The following L3MBTL3 variants were observed in gnomAD, a reference collection of about 807,000 sequenced individuals.
L3MBTL3 encodes the protein lethal(3)malignant brain tumor-like protein 3.
A neutral mutation model predicts 102.3 loss-of-function variants in L3MBTL3; 27 were observed. The ratio of observed to expected loss-of-function variants is 0.26; its 90% confidence interval spans 0.19 to 0.36. L3MBTL3 has a LOEUF of 0.36. Among genes scored for constraint, L3MBTL3 ranks in the 10% least tolerant of loss-of-function variants. The pLI, the probability that L3MBTL3 is intolerant of heterozygous loss-of-function variation, is 1.00. For missense variants in L3MBTL3, 798 were observed against 955.3 expected (o/e 0.84, Z 2.17); for synonymous variants, 340 against 320.9 (o/e 1.06, Z -0.64).
At chr6:130,074,548 C>T (rs888142439) in intron 13 of L3MBTL3, among the ~76,000 whole-genome samples, 1 of 152,212 alleles carries the variant, frequency 6.6e-6, no homozygotes, top group Non-Finnish European at 1.5e-5. Flanking sequence ...TACTGCTGTC[C>T]TCCCGCCACT....
intron 13 of L3MBTL3, among the ~76,000 whole-genome samples, 176 bp from the exon 14 acceptor site, chr6:130,078,382 A>G (rs528837808): frequency 6.6e-6 from 1 of 152,180 alleles, no homozygotes; most frequent in Non-Finnish European, 1.5e-5. Flanking sequence ...ATAAAAATCC[A>G]CTTGGTATTA....
intron 2 of L3MBTL3, among the ~76,000 whole-genome samples, chr6:130,036,248 C>T (rs1780055833): frequency 6.6e-6 from 1 of 152,126 alleles, no homozygotes; most frequent in Non-Finnish European, 1.5e-5. Context: ...AATATTGGTT[C>T]CTGGCTGTTC....
intron 18 of L3MBTL3, among the ~76,000 whole-genome samples, chr6:130,102,763 T>A (rs1341265364): frequency 6.6e-6 from 1 of 152,242 alleles, no homozygotes; most frequent in East Asian, 1.9e-4. Flanking sequence ...ATTACAGCTC[T>A]GCTCGGGTGC....
intron 7 of L3MBTL3, among the ~76,000 whole-genome samples, chr6:130,053,471 T>C (rs1781234232): frequency 6.6e-6 from 1 of 151,778 alleles, no homozygotes; most frequent in African/African-American, 2.4e-5. Flanking sequence ...CCTTCCTTAC[T>C]AAAAATACAA....
At chr6:130,050,856 A>C (rs545672340) in intron 5 of L3MBTL3, among the ~76,000 whole-genome samples, 2 of 152,232 alleles carry the variant, frequency 1.3e-5, no homozygotes, top group Non-Finnish European at 2.9e-5. Flanking sequence ...AAACAAAATC[A>C]TTCATCAAAA....
At chr6:130,068,461 G>A in intron 12 of L3MBTL3, 40 bp downstream of exon 12, 1 of 1,069,360 alleles carries the variant, frequency 9.4e-7, no homozygotes. Context: ...AAAGGAAGAA[G>A]TTTTTTGAGT....
intron 16 of L3MBTL3, among the ~76,000 whole-genome samples, chr6:130,088,741 G>C (rs1166982104): frequency 1.3e-5 from 2 of 152,022 alleles, no homozygotes; most frequent in African/African-American, 4.8e-5. Context: ...CTTTTTATCT[G>C]TAATTTTCTA....
chr6:130,104,559 T>C lies in L3MBTL3; in HGVS notation c.1870T>C (p.Ser624Pro). 1.3e-6 allele frequency: 2 copies of C among 1,575,086 alleles called. No individual in the cohort carries two copies. The highest frequency in any genetic ancestry group is 1.9e-5 in the Admixed American group (1 of 52,130). Reference protein sequence around the residue: ...NKRTDANESSSSPEIRDQHAD... With the variant: ...NKRTDANESSPSPEIRDQHAD... ...AAGGACAGATGCAAATGAAAGCTCTTCTTCCCCTGAAATCAGGTAATCAAA... is the reference window on the plus strand; with the variant it reads ...AAGGACAGATGCAAATGAAAGCTCTCCTTCCCCTGAAATCAGGTAATCAAA... Residue 624 changes from serine to proline, a missense_variant, in exon 19 of 23, where the codon TCT becomes CCT. Coordinates refer to ENST00000361794, the MANE Select transcript of L3MBTL3 (RefSeq NM_032438.4).
At chr6:130,032,416 C>T (rs1779787885) in intron 2 of L3MBTL3, among the ~76,000 whole-genome samples, 1 of 151,660 alleles carries the variant, frequency 6.6e-6, no homozygotes, top group Non-Finnish European at 1.5e-5. Context: ...GTTGTTGTAC[C>T]CCAGCCTGGA....
At chr6:130,060,269 T>G (rs763075544) in intron 10 of L3MBTL3, 129 bp downstream of exon 10, 21 of 589,622 alleles carry the variant, frequency 3.6e-5, no homozygotes, top group Non-Finnish European at 5.9e-5. Context: ...CATTATTTCA[T>G]TTAATCTTTG....
At chr6:130,137,958 G>T (rs1255670681) in intron 22 of L3MBTL3, 1 of 152,166 alleles carries the variant, frequency 6.6e-6, no homozygotes, top group East Asian at 1.9e-4. Context: ...CCGCTTAACG[G>T]TGCTACACTT....
intron 2 of L3MBTL3, among the ~76,000 whole-genome samples, chr6:130,033,918 A>G (rs1779884382): frequency 6.6e-6 from 1 of 152,272 alleles, no homozygotes. Context: ...GGCTACAGTC[A>G]GTACCCTTTC....
At chr6:130,079,923 A>T (rs547370953) in intron 14 of L3MBTL3, among the ~76,000 whole-genome samples, 46 of 152,286 alleles carry the variant, frequency 3.0e-4, no homozygotes, top group African/African-American at 1.1e-3. Flanking sequence ...TACTATTTTG[A>T]CAGTGAAACA....
At chr6:130,127,485 A>G (rs1348322826) in intron 20 of L3MBTL3, among the ~76,000 whole-genome samples, 2 of 152,316 alleles carry the variant, frequency 1.3e-5, no homozygotes, top group East Asian at 1.9e-4. Flanking sequence ...CTGTATTTAT[A>G]TAGCCTTCAA....
chr6:130,041,746 T>C lies in L3MBTL3; in HGVS notation c.-15-939T>C, dbSNP rs78207549. 3.5e-4 allele frequency among the ~76,000 whole-genome samples: 53 copies of C among 152,346 alleles called. 1 individual carries two copies. In the East Asian group the frequency reaches 0.01, roughly 29 times the overall value. On this transcript the variant is annotated intron_variant, in intron 2 of 22. Transcript: ENST00000361794. ...AATTCTTTGGATATGACTTCTGTTGTCTTTGATAGCTTCTTTGCTTTCTTG... is the reference window on the plus strand; with the variant it reads ...AATTCTTTGGATATGACTTCTGTTGCCTTTGATAGCTTCTTTGCTTTCTTG...
chr6:130,021,700 T>C (rs1779026810), intron 1 of L3MBTL3, among the ~76,000 whole-genome samples: 1 of 152,254 alleles, frequency 6.6e-6, no homozygotes, highest in Non-Finnish European at 1.5e-5. Context: ...CTGATAAGTG[T>C]AAGGCAATTT....
At chr6:130,097,363 C>G (rs1232429982) in intron 18 of L3MBTL3, among the ~76,000 whole-genome samples, 1 of 152,176 alleles carries the variant, frequency 6.6e-6, no homozygotes, top group African/African-American at 2.4e-5. Flanking sequence ...AACATGCACT[C>G]TTTGCATAGA....
chr6:130,042,703 A>G lies in L3MBTL3; in HGVS notation c.4A>G (p.Thr2Ala). The G allele has an allele frequency of 3.7e-6, 6 of 1,609,320 alleles. No homozygotes were observed. Among genetic ancestry groups the G allele is most frequent in the Non-Finnish European group, 5.1e-6 (6 of 1,175,892 alleles). The change falls in exon 3 of 23, where the codon ACT becomes GCT. Residue 2 changes from threonine (T) to alanine (A), a missense_variant. Physicochemically the swap from Thr to Ala is moderately conservative, Grantham distance 58. This residue lies in a region of L3MBTL3 where 434 missense variants were observed against 506.6 expected (regional missense o/e 0.86). Transcript: ENST00000361794. ...CTTTCAGGTTAAAAAATAAATCATG[A>G]CTGAATCTGCCTCTAGCACAAGTGG... M[T>A]ESASSTSGQE... is the part of the protein sequence containing the mutation.
Position 130,094,302 on chromosome 6 carries a change from A to T in L3MBTL3, c.1671A>T (p.Gly557=), listed in dbSNP as rs1338075032. The change falls in exon 18 of 23, where the codon GGA becomes GGT. Residue 557 remains glycine (G), a synonymous_variant. Transcript: ENST00000361794. ...TAATGGAAGCTTCAGAACATGGTGG[A>T]TGCTCAACCCCGGGATGTAAAGGGA... is the stretch of plus-strand genomic sequence containing the variant. ...LELMEASEHG[G]CSTPGCKGIG... The T allele has an allele frequency of 6.2e-7, 1 of 1,613,874 alleles. No homozygotes were observed. Among genetic ancestry groups the T allele is most frequent in the Admixed American group, 1.7e-5 (1 of 59,992 alleles).
Sources: allele counts gnomAD v4.1 joint callset (sites outside exome capture counted in the v4.1 genomes callset), GRCh38; gene constraint gnomAD v4.1.1; regional missense constraint gnomAD v4.1.1; transcripts MANE v1.5; gene names NCBI Gene and HGNC (gene_info 2026-07-23, HGNC 2026-07-21).